The following ASTN1 variants were observed in gnomAD, a reference collection of about 807,000 sequenced individuals.
ASTN1 encodes astrotactin 1.
In ASTN1, 41 loss-of-function variants were observed where a neutral mutation model predicts 140.7. The observed-to-expected ratio is 0.29, with a 90% CI of 0.23 to 0.38. The LOEUF is 0.38. Ranked by LOEUF, ASTN1 falls within the 10% of genes least tolerant of loss-of-function variation. The probability of loss-of-function intolerance (pLI) is 1.00; values close to 1 mark genes in which losing one functional copy is unlikely to be tolerated. For synonymous variants in ASTN1, 640 were observed against 652.2 expected (o/e 0.98, Z 0.29); for missense variants, 1,479 against 1,678.8 (o/e 0.88, Z 2.08).
At chr1:176,993,235 GTAA>G (rs1356906107) in intron 8 of ASTN1, among the ~76,000 whole-genome samples, 3 of 152,214 alleles carry the variant, frequency 2.0e-5, no homozygotes, top group African/African-American at 4.8e-5. Flanking sequence ...GACTTAGAGA[GTAA>G]GGTATCACAA....
rs746726235 is a variant in ASTN1, at chr1:176,878,546, T to C, written c.3363-1909A>G. Among the ~76,000 whole-genome samples the C allele has an allele frequency of 2.0e-5, 3 of 151,964 alleles. No individual in the cohort carries two copies. In the South Asian group the frequency reaches 6.2e-4, roughly 32 times the overall value. ...TGGCCCCACATGCCATATGCTGATG[T>C]TTCATCAGCTTCTGGTACTGTTTCT... On this transcript the variant is annotated intron_variant, in intron 20 of 22. Coordinates refer to ENST00000361833, the MANE Select transcript of ASTN1 (RefSeq NM_004319.3).
chr1:176,950,767 G>A (rs989256316), intron 11 of ASTN1, among the ~76,000 whole-genome samples: 1 of 152,054 alleles, frequency 6.6e-6, no homozygotes, highest in African/African-American at 2.4e-5. Context: ...CCAATGCTGG[G>A]GCTTTTAATG....
At chr1:177,009,274 C>T (rs1435054513) in intron 8 of ASTN1, among the ~76,000 whole-genome samples, 1 of 152,168 alleles carries the variant, frequency 6.6e-6, no homozygotes, top group Non-Finnish European at 1.5e-5. Context: ...CTGGTCTCAC[C>T]TCATCCTAGA....
intron 8 of ASTN1, among the ~76,000 whole-genome samples, chr1:176,980,262 T>C (rs778536011): frequency 1.3e-5 from 2 of 152,076 alleles, no homozygotes; most frequent in East Asian, 1.9e-4. Flanking sequence ...GGGAGTAAGA[T>C]GACAGGAAGG....
At chr1:176,889,426 G>C (rs1161137299) in intron 17 of ASTN1, among the ~76,000 whole-genome samples, 1 of 152,120 alleles carries the variant, frequency 6.6e-6, no homozygotes, top group African/African-American at 2.4e-5. Flanking sequence ...AATTAGAAAA[G>C]TGAAACCTGG....
At chr1:176,896,062 T>G (rs1669489607) in intron 16 of ASTN1, among the ~76,000 whole-genome samples, 1 of 152,180 alleles carries the variant, frequency 6.6e-6, no homozygotes, top group African/African-American at 2.4e-5. Context: ...ATATGACTCA[T>G]CGACTTTATA....
intron 14 of ASTN1, among the ~76,000 whole-genome samples, chr1:176,941,204 G>A (rs1409974907): frequency 6.6e-6 from 1 of 152,162 alleles, no homozygotes; most frequent in Non-Finnish European, 1.5e-5. Flanking sequence ...CCCAGAACTA[G>A]AGATAACATG....
intron 8 of ASTN1, among the ~76,000 whole-genome samples, chr1:176,995,641 C>A (rs1258016463): frequency 6.6e-6 from 1 of 152,054 alleles, no homozygotes; most frequent in Non-Finnish European, 1.5e-5. Context: ...TTGGCAGGAA[C>A]CAGGTCAGGA....
intron 2 of ASTN1, among the ~76,000 whole-genome samples, chr1:177,057,047 T>C (rs1199577429): frequency 2.0e-5 from 3 of 152,236 alleles, no homozygotes; most frequent in Non-Finnish European, 1.5e-5. Flanking sequence ...ATAAATCTCT[T>C]CAGCCAAGTT....
downstream of ASTN1, among the ~76,000 whole-genome samples, chr1:176,860,294 C>T (rs1170554769): frequency 6.6e-6 from 1 of 152,184 alleles, no homozygotes; most frequent in Non-Finnish European, 1.5e-5. Flanking sequence ...GAATCTGTGG[C>T]CATGTTTTAA....
chr1:177,026,725 A>C (rs1676134630), intron 5 of ASTN1, among the ~76,000 whole-genome samples: 1 of 152,140 alleles, frequency 6.6e-6, no homozygotes, highest in African/African-American at 2.4e-5. Context: ...ATGATATCTC[A>C]TTGTAGTTTT....
intron 1 of ASTN1, among the ~76,000 whole-genome samples, chr1:177,085,790 T>A (rs1165843212): frequency 6.6e-6 from 1 of 152,176 alleles, no homozygotes; most frequent in Admixed American, 6.5e-5. Context: ...TTTCTCTTTC[T>A]TCATGAGCGT....
At chr1:177,096,331 G>A (rs1023515271) in intron 1 of ASTN1, among the ~76,000 whole-genome samples, 3 of 152,120 alleles carry the variant, frequency 2.0e-5, no homozygotes, top group Non-Finnish European at 4.4e-5. Flanking sequence ...CATTTTTCAT[G>A]CAAGAAGGAC....
At position 176,957,792 on chromosome 1, in the gene ASTN1, C is replaced by T. The variant is rs1242443916; in HGVS notation, c.1773G>A (p.Leu591=). The change falls in exon 11 of 23, where the codon CTG becomes CTA. Residue 591 remains leucine, a synonymous_variant. Transcript: ENST00000361833. ...GCCCAAAGGAATCTAAGAGAACCTC[C>T]AGGCTGTCGAAGGAGGATGAAGTCA... ...ELMTSSSFDS[L]EVLLDSFGPV... 6.2e-7 allele frequency: 1 copy of T among 1,614,044 alleles called. No individual in the cohort carries two copies. The highest frequency in any genetic ancestry group is 1.7e-5 in the Admixed American group (1 of 60,012).
intron 11 of ASTN1, among the ~76,000 whole-genome samples, chr1:176,950,848 T>C (rs899238920): frequency 6.6e-6 from 1 of 151,978 alleles, no homozygotes; most frequent in African/African-American, 2.4e-5. Context: ...AAAGCAAAAC[T>C]TTCTAAACTC....
intron 8 of ASTN1, among the ~76,000 whole-genome samples, chr1:176,999,989 G>A (rs886311216): frequency 6.6e-6 from 1 of 152,128 alleles, no homozygotes; most frequent in South Asian, 2.1e-4. Context: ...AGAGAATGGA[G>A]TAATACGAAT....
intron 1 of ASTN1, among the ~76,000 whole-genome samples, chr1:177,132,884 T>C (rs1331648022): frequency 6.6e-6 from 1 of 152,200 alleles, no homozygotes; most frequent in Non-Finnish European, 1.5e-5. Context: ...GGGATACTCA[T>C]ACTCAGAGTG....
At chr1:177,048,396 C>A (rs997836774) in intron 2 of ASTN1, among the ~76,000 whole-genome samples, 2 of 152,182 alleles carry the variant, frequency 1.3e-5, no homozygotes, top group African/African-American at 4.8e-5. Context: ...CACCATCCTA[C>A]CAGAAAGTTC....
Position 177,072,736 on chromosome 1 carries a change from C to A in ASTN1, c.284-11471G>T, listed in dbSNP as rs1678703362. Among the ~76,000 whole-genome samples, 3 of 152,144 alleles carry A rather than the reference C, an allele frequency of 2.0e-5. No homozygotes were observed. The South Asian group carries it at 6.2e-4, about 31-fold the overall frequency. ...CTGGTAATAAGAAACAGGAGCCATGCATTCTACATGAATAACGTCTTTCAG... is the reference window on the plus strand; with the variant it reads ...CTGGTAATAAGAAACAGGAGCCATGAATTCTACATGAATAACGTCTTTCAG... On this transcript the variant is annotated intron_variant, in intron 1 of 22. Coordinates refer to ENST00000361833, the MANE Select transcript of ASTN1 (RefSeq NM_004319.3).
Sources: allele counts gnomAD v4.1 joint callset (sites outside exome capture counted in the v4.1 genomes callset), GRCh38; gene constraint gnomAD v4.1.1; transcripts MANE v1.5; gene names NCBI Gene and HGNC (gene_info 2026-07-23, HGNC 2026-07-21).